Variants in PHACTR1 observed in about 807,000 individuals in gnomAD.
The protein encoded by PHACTR1 is phosphatase and actin regulator 1.
A neutral mutation model predicts 69.2 loss-of-function variants in PHACTR1; 16 were observed. The observed-to-expected ratio is 0.23, with a 90% CI of 0.16 to 0.35. The LOEUF (loss-of-function observed/expected upper bound fraction) is 0.35, where lower values mean the gene tolerates loss of function less well. PHACTR1 is among the 10% of genes least tolerant of loss of function. The pLI is 1.00. For synonymous variants in PHACTR1, 312 were observed against 284.5 expected (o/e 1.10, Z -0.97); for missense variants, 510 against 734.7 (o/e 0.69, Z 3.54).
intron 4 of PHACTR1, among the ~76,000 whole-genome samples, chr6:13,038,530 A>G (rs1311286495): frequency 1.3e-5 from 2 of 152,034 alleles, no homozygotes; most frequent in Non-Finnish European, 2.9e-5. Flanking sequence ...CTCCTTTACA[A>G]ACTAAAAAGC....
At chr6:13,124,231 A>G (rs964811892) in intron 5 of PHACTR1, among the ~76,000 whole-genome samples, 1 of 152,196 alleles carries the variant, frequency 6.6e-6, no homozygotes, top group African/African-American at 2.4e-5. Context: ...AGAGTGATGC[A>G]TCCCACCCGA....
rs1208895798 is a variant in PHACTR1 at position 13,179,196 on chromosome 6, A to G, written c.497-3323A>G. 1.3e-5 allele frequency among the ~76,000 whole-genome samples: 2 copies of G among 152,168 alleles called. No homozygotes were observed. The highest frequency in any genetic ancestry group is 4.8e-5 in the African/African-American group (2 of 41,430). ...AGCTGCAGTGAGCCATGTTCATGCCACTGCACTCCAGCCTGGGCAACAGAG... is the reference window on the plus strand; with the variant it reads ...AGCTGCAGTGAGCCATGTTCATGCCGCTGCACTCCAGCCTGGGCAACAGAG... On this transcript the variant is annotated intron_variant, in intron 6 of 14. Transcript: ENST00000332995. The surrounding 1 kb of genome is among the most constrained non-coding windows in gnomAD (Gnocchi z 4.2).
At chr6:13,190,993 T>C (rs929999609) in intron 7 of PHACTR1, among the ~76,000 whole-genome samples, 17 of 152,124 alleles carry the variant, frequency 1.1e-4, no homozygotes, top group East Asian at 1.9e-4. Context: ...CTCTCTAGTT[T>C]TGTGGACTTT....
chr6:12,789,954 C>T (rs1350096526), intron 4 of PHACTR1, among the ~76,000 whole-genome samples: 1 of 138,794 alleles, frequency 7.2e-6, no homozygotes, highest in Non-Finnish European at 1.5e-5. Flanking sequence ...CTGCCTATAT[C>T]TGGAAATTCT....
At chr6:12,746,085 G>T (rs1356228818) in intron 3 of PHACTR1, among the ~76,000 whole-genome samples, 1 of 152,128 alleles carries the variant, frequency 6.6e-6, no homozygotes, top group African/African-American at 2.4e-5. Context: ...ACATGAAAAG[G>T]GACTGACTGT....
At chr6:13,094,778 A>G (rs1056690126) in intron 5 of PHACTR1, among the ~76,000 whole-genome samples, 1 of 152,198 alleles carries the variant, frequency 6.6e-6, no homozygotes, top group Admixed American at 6.5e-5. Flanking sequence ...TTACCTATAT[A>G]TATATTACAC....
intron 4 of PHACTR1, among the ~76,000 whole-genome samples, chr6:12,972,746 G>C (rs1415254450): frequency 6.6e-6 from 1 of 151,386 alleles, no homozygotes; most frequent in Non-Finnish European, 1.5e-5. Flanking sequence ...CCACCTCCTG[G>C]GTTCAAGCGA....
intron 5 of PHACTR1, among the ~76,000 whole-genome samples, chr6:13,095,186 C>A (rs1277011998): frequency 6.6e-6 from 1 of 152,210 alleles, no homozygotes; most frequent in Non-Finnish European, 1.5e-5. Flanking sequence ...TTGAAGTGGC[C>A]TAATCTGTGG....
At chr6:13,034,220 T>A (rs1003740315) in intron 4 of PHACTR1, among the ~76,000 whole-genome samples, 3 of 151,932 alleles carry the variant, frequency 2.0e-5, no homozygotes, top group African/African-American at 7.3e-5. Flanking sequence ...AGTTTCACCG[T>A]GTTAGCCAGG....
chr6:13,028,760 C>G (rs561722759), intron 4 of PHACTR1, among the ~76,000 whole-genome samples: 17 of 152,246 alleles, frequency 1.1e-4, no homozygotes, highest in African/African-American at 3.9e-4. Flanking sequence ...CCAAATGTCA[C>G]CTTGGAGACA....
chr6:13,256,419 G>A (rs192456944), intron 10 of PHACTR1, among the ~76,000 whole-genome samples: 1 of 152,196 alleles, frequency 6.6e-6, no homozygotes, highest in African/African-American at 2.4e-5. Flanking sequence ...GCAAATTTCT[G>A]CAGCCTACTT....
At chr6:12,954,402 C>A (rs958490053) in intron 4 of PHACTR1, among the ~76,000 whole-genome samples, 2 of 151,646 alleles carry the variant, frequency 1.3e-5, no homozygotes, top group African/African-American at 4.8e-5. Context: ...AGAAACTGAA[C>A]TCAAGTGGTC....
intron 5 of PHACTR1, among the ~76,000 whole-genome samples, chr6:13,142,641 C>T (rs1188229393): frequency 6.6e-6 from 1 of 151,962 alleles, no homozygotes; most frequent in Non-Finnish European, 1.5e-5. Context: ...GTCCTGATAC[C>T]ATTTGTTTAA....
At chr6:13,012,849 A>G (rs1444567668) in intron 4 of PHACTR1, among the ~76,000 whole-genome samples, 1 of 152,204 alleles carries the variant, frequency 6.6e-6, no homozygotes, top group Non-Finnish European at 1.5e-5. Context: ...CCATGGCTGA[A>G]GAATAATAAT....
intron 4 of PHACTR1, among the ~76,000 whole-genome samples, chr6:12,881,423 A>G (rs972574602): frequency 2.0e-5 from 3 of 152,156 alleles, no homozygotes; most frequent in African/African-American, 7.2e-5. Context: ...AGAGCTCTTT[A>G]AAATGTCACT....
At chr6:12,826,414 C>G (rs1175368162) in intron 4 of PHACTR1, among the ~76,000 whole-genome samples, 1 of 152,124 alleles carries the variant, frequency 6.6e-6, no homozygotes, top group Non-Finnish European at 1.5e-5. Context: ...AAAACTTGAT[C>G]AAATTTAGCA....
intron 3 of PHACTR1, among the ~76,000 whole-genome samples, chr6:12,740,080 T>C (rs1047317971): frequency 1.3e-5 from 2 of 152,206 alleles, no homozygotes; most frequent in East Asian, 3.8e-4. Flanking sequence ...AATGGAATCA[T>C]GTGGTATGTA....
At chr6:12,935,270 G>A (rs569405896) in intron 4 of PHACTR1, among the ~76,000 whole-genome samples, 8 of 152,034 alleles carry the variant, frequency 5.3e-5, no homozygotes, top group Non-Finnish European at 7.4e-5. Context: ...TTAAGACCGA[G>A]TCTCACTCTG....
intron 5 of PHACTR1, among the ~76,000 whole-genome samples, chr6:13,109,894 C>T (rs146739936): frequency 3.0e-4 from 45 of 149,236 alleles, no homozygotes; most frequent in African/African-American, 9.6e-4. Flanking sequence ...AGTTTCTATT[C>T]TTGTGTCTTC....
Sources: gnomAD v4.1 joint callset for allele counts (sites outside exome capture counted in the v4.1 genomes callset) on GRCh38, gnomAD v4.1.1 for gene constraint, Gnocchi (gnomAD v3.1) non-coding constraint, MANE v1.5 for transcripts, NCBI Gene and HGNC (gene_info 2026-07-23, HGNC 2026-07-21) for gene names.